CFTR: variants seen among roughly 807,000 people sequenced by gnomAD.
CFTR encodes cystic fibrosis transmembrane conductance regulator.
A neutral mutation model predicts 171.6 loss-of-function variants in CFTR; 181 were observed. That is an observed-to-expected ratio of 1.05 (90% CI 0.93 to 1.19). CFTR has a LOEUF of 1.19. Ranked by LOEUF, CFTR falls within the 50% of genes most tolerant of loss-of-function variation. The pLI, the probability that CFTR is intolerant of heterozygous loss-of-function variation, is 0.00. For missense variants in CFTR, 1,968 were observed against 1,734.7 expected (o/e 1.13, Z -2.39); for synonymous variants, 583 against 608.0 (o/e 0.96, Z 0.60).
chr7:117,652,582 T>G (rs1724518497), intron 23 of CFTR, among the ~76,000 whole-genome samples: 1 of 152,154 alleles, frequency 6.6e-6, no homozygotes, highest in South Asian at 2.1e-4. Flanking sequence ...TTATCTCAAT[T>G]TCTTTATTCT....
At chr7:117,560,630 C>T (rs1016848164) in intron 11 of CFTR, 1 of 151,906 alleles carries the variant, frequency 6.6e-6, no homozygotes, top group Admixed American at 6.6e-5. Flanking sequence ...CATGTATATA[C>T]TCAGTCATTC....
chr7:117,657,000 CAACA>C (rs755677110), intron 24 of CFTR, among the ~76,000 whole-genome samples: 36 of 152,120 alleles, frequency 2.4e-4, no homozygotes, highest in Non-Finnish European at 4.4e-4. Flanking sequence ...CCTTATTACC[CAACA>C]AACACAGGCG....
chr7:117,563,420 A>G lies in CFTR; in HGVS notation c.1584+3765A>G, dbSNP rs375157863. Among the ~76,000 whole-genome samples, 29 of 152,296 alleles carry G rather than the reference A, an allele frequency of 1.9e-4. No homozygotes were observed. In the East Asian group the frequency reaches 5.0e-3, roughly 26 times the overall value. On this transcript the variant is annotated intron_variant, in intron 11 of 26. Coordinates refer to ENST00000003084, the MANE Select transcript of CFTR (RefSeq NM_000492.4). ...AGTTACATAGAGGAATTCTGGGAAGATAAGAAATGTCATTTTTATGTACTG... is the reference window on the plus strand; with the variant it reads ...AGTTACATAGAGGAATTCTGGGAAGGTAAGAAATGTCATTTTTATGTACTG...
intron 21 of CFTR, among the ~76,000 whole-genome samples, chr7:117,615,256 A>G (rs545125344): frequency 6.6e-5 from 10 of 152,080 alleles, no homozygotes; most frequent in Admixed American, 3.9e-4. Flanking sequence ...CCTTAATTAA[A>G]TTGTAGGAAT....
chr7:117,515,952 G>C (rs1798590562), intron 3 of CFTR, among the ~76,000 whole-genome samples: 1 of 152,064 alleles, frequency 6.6e-6, no homozygotes, highest in Admixed American at 6.6e-5. Flanking sequence ...CCTCTCTGCT[G>C]CCTGTTGTTG....
chr7:117,503,089 A>G (rs185215030), intron 1 of CFTR, among the ~76,000 whole-genome samples: 56 of 152,332 alleles, frequency 3.7e-4, no homozygotes, highest in Admixed American at 1.2e-3. Context: ...CAGTGTCAAA[A>G]TGTTTGCATT....
At chr7:117,647,598 C>T (rs1277370371) in intron 23 of CFTR, among the ~76,000 whole-genome samples, 1 of 151,824 alleles carries the variant, frequency 6.6e-6, no homozygotes, top group Non-Finnish European at 1.5e-5. Context: ...CCCACCAGGC[C>T]CCGCCTCCAA....
At chr7:117,509,324 G>T (rs1181519288) in intron 3 of CFTR, among the ~76,000 whole-genome samples, 182 bp downstream of exon 3, 1 of 152,186 alleles carries the variant, frequency 6.6e-6, no homozygotes, top group Non-Finnish European at 1.5e-5. Flanking sequence ...GAACTAAAAT[G>T]TCCTGGAACA....
At chr7:117,487,345 TG>T in intron 1 of CFTR, among the ~76,000 whole-genome samples, 1 of 152,248 alleles carries the variant, frequency 6.6e-6, no homozygotes, top group South Asian at 2.1e-4. Context: ...GGGACAGTAC[TG>T]GTTAAATTCT....
intron 11 of CFTR, among the ~76,000 whole-genome samples, chr7:117,582,243 A>T (rs1021961016): frequency 4.6e-5 from 7 of 152,172 alleles, no homozygotes; most frequent in Non-Finnish European, 1.0e-4. Flanking sequence ...GCTGTTAAGT[A>T]ACTGAGATTT....
At chr7:117,610,256 G>A (rs1224596848) in intron 18 of CFTR, among the ~76,000 whole-genome samples, 1 of 111,792 alleles carries the variant, frequency 8.9e-6, no homozygotes, top group Non-Finnish European at 1.8e-5. Context: ...GGAGGGGGGA[G>A]GGATAGCACT....
At chr7:117,486,981 A>G (rs983082912) in intron 1 of CFTR, among the ~76,000 whole-genome samples, 1 of 151,862 alleles carries the variant, frequency 6.6e-6, no homozygotes, top group Non-Finnish European at 1.5e-5. Flanking sequence ...TTGAAGGTGA[A>G]GGAAAGAGAA....
intron 7 of CFTR, among the ~76,000 whole-genome samples, chr7:117,538,338 T>C (rs539156396): frequency 6.6e-6 from 1 of 152,346 alleles, no homozygotes; most frequent in Admixed American, 6.5e-5. Flanking sequence ...ATAAAGTCAC[T>C]TTCAATTTTA....
At chr7:117,491,416 A>G (rs550784465) in intron 1 of CFTR, among the ~76,000 whole-genome samples, 7 of 152,194 alleles carry the variant, frequency 4.6e-5, no homozygotes, top group Admixed American at 3.9e-4. Context: ...GGGCTACCAT[A>G]ACAAAATACC....
chr7:117,599,764 A>G (rs1049462522), intron 15 of CFTR, among the ~76,000 whole-genome samples: 8 of 152,174 alleles, frequency 5.3e-5, no homozygotes, highest in Admixed American at 3.9e-4. Context: ...TCACAATTCT[A>G]TTGCCTTCTT....
intron 22 of CFTR, among the ~76,000 whole-genome samples, chr7:117,639,294 TA>T (rs1251963426): frequency 2.0e-5 from 3 of 152,228 alleles, no homozygotes; most frequent in African/African-American, 7.2e-5. Flanking sequence ...CCTTTACTTT[TA>T]AAATCCATTT....
At chr7:117,660,960 A>G (rs1003737579) in intron 24 of CFTR, among the ~76,000 whole-genome samples, 2 of 152,166 alleles carry the variant, frequency 1.3e-5, no homozygotes, top group Non-Finnish European at 2.9e-5. Flanking sequence ...ATAAACTCTC[A>G]TTAAGAGCCA....
chr7:117,612,023 G>GTA (rs772661286), intron 20 of CFTR, among the ~76,000 whole-genome samples: 10,637 of 52,240 alleles, frequency 0.2, 1,157 homozygotes, highest in East Asian at 0.41. Context: ...ATATATATAT[G>GTA]TATATATATA....
chr7:117,556,053 T>C (rs1584796650), intron 10 of CFTR, among the ~76,000 whole-genome samples: 1 of 152,262 alleles, frequency 6.6e-6, no homozygotes, highest in East Asian at 1.9e-4. Flanking sequence ...GTAATCTCTA[T>C]AAGATTTTGT....
Sources: gnomAD v4.1 joint callset for allele counts (sites outside exome capture counted in the v4.1 genomes callset) on GRCh38, gnomAD v4.1.1 for gene constraint, MANE v1.5 for transcripts, NCBI Gene and HGNC (gene_info 2026-07-23, HGNC 2026-07-21) for gene names.